The following TCERG1L variants were observed in gnomAD, a reference collection of about 807,000 sequenced individuals.
TCERG1L encodes transcription elongation regulator 1-like protein.
In TCERG1L, 37 loss-of-function variants were observed where a neutral mutation model predicts 56.3. That is an observed-to-expected ratio of 0.66 (90% CI 0.51 to 0.87). The LOEUF is 0.87. Ranked by LOEUF, TCERG1L falls within the 40% of genes least tolerant of loss-of-function variation. The pLI is 0.00. For missense variants in TCERG1L, 799 were observed against 774.2 expected (o/e 1.03, Z -0.38); for synonymous variants, 324 against 326.3 (o/e 0.99, Z 0.08).
chr10:131,241,464 G>A (rs1589758765), intron 4 of TCERG1L, among the ~76,000 whole-genome samples: 2 of 152,054 alleles, frequency 1.3e-5, no homozygotes, highest in Non-Finnish European at 2.9e-5. Context: ...GCAACGCATC[G>A]TCCATACGCA....
chr10:131,295,152 AG>A (rs1846676816), intron 3 of TCERG1L, among the ~76,000 whole-genome samples: 1 of 152,242 alleles, frequency 6.6e-6, no homozygotes, highest in African/African-American at 2.4e-5. Flanking sequence ...TGCACATGTA[AG>A]AAGTGTGTTC....
In TCERG1L at chr10:131,256,985, GAAGGAAGGAAAGA is replaced by G. The variant is rs1846171951; in HGVS notation, c.856+3261_856+3273del. ...GGAAGGAAGGAAGGAAGGAAGGAAGGAAGGAAGGAAAGAAAGAAAGAAAGAAAGAAAGAAAGAA... is the reference window on the plus strand; with the variant it reads ...GGAAGGAAGGAAGGAAGGAAGGAAGGAAGAAAGAAAGAAAGAAAGAAAGAA... On this transcript the variant is annotated intron_variant, in intron 4 of 11. Coordinates refer to ENST00000368642, the MANE Select transcript of TCERG1L (RefSeq NM_174937.4). Among the ~76,000 whole-genome samples the G allele has an allele frequency of 5.5e-4, 44 of 79,928 alleles. No individual in the cohort carries two copies. The East Asian group carries it at 0.012, about 21-fold the overall frequency. 52.4% of individuals were successfully genotyped at this position (79,928 alleles called of 152,430 possible).
At chr10:131,159,909 G>A (rs79995120) in intron 6 of TCERG1L, among the ~76,000 whole-genome samples, 6,890 of 152,248 alleles carry the variant, frequency 0.045, 214 homozygotes, top group Non-Finnish European at 0.069. Context: ...CTTTAAGGGT[G>A]AGTGCAAACC....
intron 8 of TCERG1L, among the ~76,000 whole-genome samples, chr10:131,121,411 G>A (rs1245874587): frequency 1.3e-5 from 2 of 152,140 alleles, no homozygotes; most frequent in Non-Finnish European, 2.9e-5. Context: ...AAAATGCCTC[G>A]CAATACCGCA....
chr10:131,291,817 TTC>T lies in TCERG1L; in HGVS notation c.670+16392_670+16393del, dbSNP rs138886108. 0.016 allele frequency among the ~76,000 whole-genome samples: 2,420 copies of T among 152,292 alleles called. 137 individuals carry two copies. In the East Asian group the frequency reaches 0.16, roughly 10 times the overall value. ...AATTACTTCTCAGAATGTTGTCGTT[TTC>T]TCTGTTTAGATTTCACACATAAGTA... On this transcript the variant is annotated intron_variant, in intron 3 of 11. Coordinates refer to ENST00000368642, the MANE Select transcript of TCERG1L (RefSeq NM_174937.4).
At chr10:131,194,401 G>A (rs1845335338) in intron 4 of TCERG1L, among the ~76,000 whole-genome samples, 1 of 152,210 alleles carries the variant, frequency 6.6e-6, no homozygotes, top group Non-Finnish European at 1.5e-5. Context: ...CATGCCTAGT[G>A]CCTAGTCCTT....
chr10:131,218,476 C>T lies in TCERG1L; in HGVS notation c.856+41783G>A, dbSNP rs144077972. On this transcript the variant is annotated intron_variant, in intron 4 of 11. Coordinates refer to ENST00000368642, the MANE Select transcript of TCERG1L (RefSeq NM_174937.4). ...TAAGTCCAGAGCCAGATCGCTTCTG[C>T]GATCCTTTTTTTCTATTTATTTATT... Among the ~76,000 whole-genome samples, 914 of 149,696 alleles carry T rather than the reference C, an allele frequency of 6.1e-3. 7 individuals are homozygous for T. Among genetic ancestry groups the T allele is most frequent in the African/African-American group, 0.018 (720 of 39,990 alleles).
At chr10:131,206,186 G>T (rs978777127) in intron 4 of TCERG1L, among the ~76,000 whole-genome samples, 2 of 152,228 alleles carry the variant, frequency 1.3e-5, no homozygotes, top group Non-Finnish European at 2.9e-5. Context: ...TGCCAATCGG[G>T]TGTACGCCAA....
intron 7 of TCERG1L, among the ~76,000 whole-genome samples, chr10:131,141,396 G>A (rs1017939542): frequency 6.6e-6 from 1 of 151,586 alleles, no homozygotes; most frequent in Non-Finnish European, 1.5e-5. Flanking sequence ...GTGCCTCAGG[G>A]AGAAGCCCCT....
chr10:131,150,164 A>G (rs1223916393), intron 6 of TCERG1L, among the ~76,000 whole-genome samples: 1 of 81,674 alleles, frequency 1.2e-5, no homozygotes, highest in Non-Finnish European at 3.1e-5. Flanking sequence ...CCTGGAGAGC[A>G]CAGAACAACT....
chr10:131,237,019 TAGAGG>T (rs1314894154), intron 4 of TCERG1L, among the ~76,000 whole-genome samples: 1 of 151,674 alleles, frequency 6.6e-6, no homozygotes, highest in African/African-American at 2.4e-5. Context: ...TCACCTGGAG[TAGAGG>T]AAAGTCCTAG....
intron 4 of TCERG1L, among the ~76,000 whole-genome samples, chr10:131,190,611 T>C (rs1307675465): frequency 7.0e-6 from 1 of 143,822 alleles, no homozygotes; most frequent in Non-Finnish European, 1.5e-5. Context: ...AGGGTTGGTT[T>C]AACACACGCA....
chr10:131,239,207 T>C (rs1397306605), intron 4 of TCERG1L, among the ~76,000 whole-genome samples: 2 of 152,210 alleles, frequency 1.3e-5, no homozygotes, highest in East Asian at 3.9e-4. Context: ...TTCCCAGGTG[T>C]AATTCCACAC....
intron 4 of TCERG1L, among the ~76,000 whole-genome samples, chr10:131,180,849 G>A (rs28648482): frequency 0.46 from 69,787 of 151,648 alleles, 19,179 homozygotes; most frequent in South Asian, 0.69. Flanking sequence ...AAAAAAAAGG[G>A]TTCAGTATTA....
chr10:131,135,766 C>G (rs1276417853), intron 7 of TCERG1L, among the ~76,000 whole-genome samples: 1 of 152,226 alleles, frequency 6.6e-6, no homozygotes, highest in African/African-American at 2.4e-5. Context: ...TACCTTCCAG[C>G]AAGGCTGCAG....
intron 4 of TCERG1L, among the ~76,000 whole-genome samples, chr10:131,170,190 C>T (rs1846074568): frequency 6.6e-6 from 1 of 152,112 alleles, no homozygotes; most frequent in South Asian, 2.1e-4. Flanking sequence ...GGCTCACACA[C>T]ATAATTGGGT....
intron 4 of TCERG1L, among the ~76,000 whole-genome samples, chr10:131,248,105 A>G (rs1846059821): frequency 6.7e-6 from 1 of 149,742 alleles, no homozygotes; most frequent in Admixed American, 6.6e-5. Flanking sequence ...ATGCACACAC[A>G]TGATACACAC....
At chr10:131,192,144 G>C (rs1845311326) in intron 4 of TCERG1L, among the ~76,000 whole-genome samples, 1 of 143,242 alleles carries the variant, frequency 7.0e-6, no homozygotes, top group Admixed American at 6.9e-5. Context: ...CAAAGGACTA[G>C]TATCCAGAAT....
intron 4 of TCERG1L, among the ~76,000 whole-genome samples, chr10:131,194,488 C>A (rs1845336319): frequency 6.6e-6 from 1 of 152,116 alleles, no homozygotes; most frequent in South Asian, 2.1e-4. Flanking sequence ...ATGCTGTTCT[C>A]CTTTTGACTT....
Sources: allele counts gnomAD v4.1 joint callset (sites outside exome capture counted in the v4.1 genomes callset), GRCh38; gene constraint gnomAD v4.1.1; transcripts MANE v1.5; gene names NCBI Gene and HGNC (gene_info 2026-07-23, HGNC 2026-07-21).